YES1: variants seen among roughly 807,000 people sequenced by gnomAD.
YES1 encodes the protein tyrosine-protein kinase Yes.
Under a neutral mutation model 70.4 loss-of-function variants are expected in YES1, and 39 were observed. The ratio of observed to expected loss-of-function variants is 0.55; its 90% CI spans 0.43 to 0.72. The LOEUF (loss-of-function observed/expected upper bound fraction) is 0.72. Ranked by LOEUF, YES1 falls within the 30% of genes least tolerant of loss-of-function variation. YES1 has a pLI of 0.00. For synonymous variants in YES1, 198 were observed against 218.6 expected (o/e 0.91, Z 0.83); for missense variants, 495 against 644.8 (o/e 0.77, Z 2.52).
chr18:787,709 CA>C (rs34461070), intron 1 of YES1, among the ~76,000 whole-genome samples: 234 of 139,142 alleles, frequency 1.7e-3, no homozygotes, highest in Middle Eastern at 7.6e-3. Context: ...GACTCTGTCT[CA>C]AAAAAAAAAA....
intron 3 of YES1, among the ~76,000 whole-genome samples, chr18:749,813 T>C (rs548308142): frequency 1.4e-3 from 216 of 150,766 alleles, no homozygotes; most frequent in African/African-American, 2.4e-3. Context: ...TGAGCCGAGA[T>C]TGCGCCACTG....
In YES1 at chr18:745,321, C is replaced by T. The variant is rs368354978; in HGVS notation, c.724+387G>A. The stretch of plus-strand genomic sequence containing the variant: ...GATTTATACTTTAGGAAAGCTTATG[C>T]GATCCAGCCCATGCAGAGGAAGGTA... On this transcript the variant is annotated intron_variant, in intron 6 of 11. Transcript: ENST00000314574. 2.3e-4 allele frequency among the ~76,000 whole-genome samples: 35 copies of T among 152,256 alleles called. 1 individual carries two copies. The South Asian group carries it at 5.4e-3, about 23-fold the overall frequency.
rs2080102854 is a variant in YES1, at chr18:732,448, AAAAAAAAAAC to A, written c.1423+376_1423+385del. Among the ~76,000 whole-genome samples the A allele has an allele frequency of 7.5e-5, 11 of 146,180 alleles. No individual in the cohort carries two copies. In the Middle Eastern group the frequency reaches 0.017, roughly 232 times the overall value. ...CAAGACTGTGTTTAAAAAAAAAAAA[AAAAAAAAAAC>A]AAAACACCAATCACACTACTGGGAA... On this transcript the variant is annotated intron_variant, in intron 11 of 11. Transcript: ENST00000314574.
chr18:742,428 G>A (rs1429438792), intron 8 of YES1, among the ~76,000 whole-genome samples: 1 of 149,352 alleles, frequency 6.7e-6, no homozygotes, highest in Non-Finnish European at 1.5e-5. Context: ...AGACCAGCCT[G>A]GGCAACATAG....
intron 1 of YES1, among the ~76,000 whole-genome samples, chr18:804,436 C>T (rs1906981545): frequency 6.6e-6 from 1 of 151,602 alleles, no homozygotes; most frequent in South Asian, 2.1e-4. Flanking sequence ...GGTGAAACCC[C>T]CATCTCTACT....
chr18:810,963 TATTA>T (rs1264391012), intron 1 of YES1, among the ~76,000 whole-genome samples: 4 of 135,076 alleles, frequency 3.0e-5, no homozygotes, highest in Admixed American at 7.1e-5. Flanking sequence ...ATAGTTAAGA[TATTA>T]GATTTACCAT....
At chr18:762,320 C>G (rs950677034) in intron 1 of YES1, among the ~76,000 whole-genome samples, 1 of 150,806 alleles carries the variant, frequency 6.6e-6, no homozygotes, top group African/African-American at 2.4e-5. Context: ...AACTCCATCT[C>G]AAAAAAAAGA....
At chr18:785,126 C>T (rs1436400188) in intron 1 of YES1, among the ~76,000 whole-genome samples, 4 of 150,460 alleles carry the variant, frequency 2.7e-5, no homozygotes, top group Non-Finnish European at 4.4e-5. Flanking sequence ...TCTGTGGTGG[C>T]GGATATCACA....
chr18:789,436 A>T (rs903594205), intron 1 of YES1, among the ~76,000 whole-genome samples: 1 of 152,130 alleles, frequency 6.6e-6, no homozygotes, highest in Admixed American at 6.5e-5. Context: ...TTTAAAAATT[A>T]GCCAAGTGTG....
At chr18:761,814 T>C (rs578030196) in intron 1 of YES1, among the ~76,000 whole-genome samples, 1 of 152,346 alleles carries the variant, frequency 6.6e-6, no homozygotes, top group South Asian at 2.1e-4. Context: ...ATATTACTAA[T>C]GTCATACGTG....
intron 2 of YES1, among the ~76,000 whole-genome samples, chr18:756,205 T>C (rs1215323588): frequency 6.6e-6 from 1 of 152,142 alleles, no homozygotes; most frequent in African/African-American, 2.4e-5. Flanking sequence ...TGCAAAGTAC[T>C]TTACAATCCT....
intron 11 of YES1, among the ~76,000 whole-genome samples, chr18:731,986 A>AAG (rs1377068374): frequency 6.6e-6 from 1 of 151,188 alleles, no homozygotes; most frequent in Non-Finnish European, 1.5e-5. Flanking sequence ...AAAAAAAAAA[A>AAG]AGTCTCTTAA....
chr18:802,348 A>AC (rs1156269592), intron 1 of YES1, among the ~76,000 whole-genome samples: 1 of 152,144 alleles, frequency 6.6e-6, no homozygotes, highest in Non-Finnish European at 1.5e-5. Flanking sequence ...CAGGTGGATC[A>AC]CCTGAGGTCG....
chr18:788,211 T>C (rs1906063343), intron 1 of YES1, among the ~76,000 whole-genome samples: 1 of 152,240 alleles, frequency 6.6e-6, no homozygotes, highest in Admixed American at 6.5e-5. Context: ...AAAGCTGTTA[T>C]ATTAAAAAGA....
rs1425549187 is a variant in YES1 at position 765,493 on chromosome 18, G to A, written c.-8-8658C>T. On this transcript the variant is annotated intron_variant, in intron 1 of 11. Coordinates refer to ENST00000314574, the MANE Select transcript of YES1 (RefSeq NM_005433.4). The stretch of plus-strand genomic sequence containing the variant: ...GGCTCAGTGCAACCTCCCGCTCCCC[G>A]GTTCAAGCGATTCTCCTGCCTCACC... Among the ~76,000 whole-genome samples the A allele has an allele frequency of 5.4e-5, 8 of 146,856 alleles. No homozygotes were observed. The South Asian group carries it at 6.5e-4, about 12-fold the overall frequency.
Position 737,011 on chromosome 18 carries a change from C to G in YES1, c.1138-50G>C, listed in dbSNP as rs1232388174. 2.7e-6 allele frequency: 4 copies of G among 1,467,228 alleles called. No homozygotes were observed. The African/African-American group carries it at 4.3e-5, about 16-fold the overall frequency. The allele number at this position is 1,467,228 out of a possible 1,614,324, so 90.9% of individuals were successfully genotyped here. The stretch of plus-strand genomic sequence containing the variant: ...ACAAGACATACGATACAAAGGGAAG[C>G]AGAGAGAAGACAATTATGGTTAATA... On this transcript the variant is annotated intron_variant, in intron 9 of 11. Coordinates refer to ENST00000314574, the MANE Select transcript of YES1 (RefSeq NM_005433.4).
At chr18:792,550 T>C (rs962904142) in intron 1 of YES1, among the ~76,000 whole-genome samples, 16 of 106,230 alleles carry the variant, frequency 1.5e-4, no homozygotes, top group African/African-American at 2.8e-4. Flanking sequence ...TCTCTCTCTC[T>C]CTCTCCCTCT....
chr18:783,599 A>G (rs1304491387), intron 1 of YES1, among the ~76,000 whole-genome samples: 1 of 150,174 alleles, frequency 6.7e-6, no homozygotes, highest in Non-Finnish European at 1.5e-5. Context: ...CTAAGCTTCT[A>G]CATGTATCAA....
rs1173186016 is a variant in YES1, at chr18:758,077, A to C, written c.-8-1242T>G. ...CACAAATGTGAGCCACATAATTTTA[A>C]ATTTTCTAATTTAGTGTAGCCATAT... is the stretch of plus-strand genomic sequence containing the variant. On this transcript the variant is annotated intron_variant, in intron 1 of 11. Transcript: ENST00000314574. 2.0e-5 allele frequency among the ~76,000 whole-genome samples: 3 copies of C among 152,176 alleles called. No individual in the cohort carries two copies. In the East Asian group the frequency reaches 5.8e-4, roughly 29 times the overall value.
Sources: gnomAD v4.1 joint callset for allele counts (sites outside exome capture counted in the v4.1 genomes callset) on GRCh38, gnomAD v4.1.1 for gene constraint, MANE v1.5 for transcripts, NCBI Gene and HGNC (gene_info 2026-07-23, HGNC 2026-07-21) for gene names.